CREB3L2: variants seen among roughly 807,000 people sequenced by gnomAD.
CREB3L2 encodes the protein cAMP responsive element binding protein 3 like 2, also known as cyclic AMP-responsive element-binding protein 3-like protein 2.
Under a neutral mutation model 57.2 loss-of-function variants are expected in CREB3L2, and 23 were observed. The observed-to-expected ratio is 0.40, with a 90% CI of 0.29 to 0.57. The LOEUF (loss-of-function observed/expected upper bound fraction) is 0.57, where lower values mean the gene tolerates loss of function less well. CREB3L2 is among the 20% of genes least tolerant of loss of function. The pLI, the probability that CREB3L2 is intolerant of heterozygous loss-of-function variation, is 0.42. For synonymous variants in CREB3L2, 268 were observed against 265.1 expected, an observed-to-expected ratio of 1.01 and a Z score of -0.11; for missense variants, 628 against 634.7, an observed-to-expected ratio of 0.99 and a Z score of 0.11.
At chr7:137,891,823 C>T (rs1424065508) in intron 8 of CREB3L2, among the ~76,000 whole-genome samples, 2 of 152,178 alleles carry the variant, frequency 1.3e-5, no homozygotes, top group Non-Finnish European at 2.9e-5. Context: ...AGGTGATCCG[C>T]CCACCTCGGC....
intron 8 of CREB3L2, among the ~76,000 whole-genome samples, chr7:137,894,473 C>T (rs1164760823): frequency 6.6e-6 from 1 of 152,194 alleles, no homozygotes; most frequent in East Asian, 1.9e-4. Context: ...GTTCAAACTC[C>T]ATATGCAGCC....
At chr7:137,929,432 C>T (rs993130364) in intron 1 of CREB3L2, among the ~76,000 whole-genome samples, 1 of 152,072 alleles carries the variant, frequency 6.6e-6, no homozygotes, top group Non-Finnish European at 1.5e-5. Context: ...TCCCGGCCTC[C>T]ACCCACTAGA....
At chr7:137,945,202 T>C in intron 1 of CREB3L2, among the ~76,000 whole-genome samples, 1 of 152,248 alleles carries the variant, frequency 6.6e-6, no homozygotes, top group East Asian at 1.9e-4. Context: ...GCCAAATTTA[T>C]AACTTTTAAT....
At position 137,997,382 on chromosome 7, in the gene CREB3L2, T is replaced by C. The variant is rs138648463; in HGVS notation, c.102+4222A>G. On this transcript the variant is annotated intron_variant, in intron 1 of 11. Transcript: ENST00000330387. ...CATCCTTCCAGATACAGTTTATACA[T>C]ATATAAAATACATTTTAAAATTTAT... Among the ~76,000 whole-genome samples the C allele has an allele frequency of 1.2e-4, 18 of 152,326 alleles. No individual in the cohort carries two copies. In the East Asian group the frequency reaches 3.3e-3, roughly 28 times the overall value.
intron 1 of CREB3L2, among the ~76,000 whole-genome samples, chr7:137,963,491 A>G (rs1399488829): frequency 6.6e-6 from 1 of 152,240 alleles, no homozygotes; most frequent in Non-Finnish European, 1.5e-5. Flanking sequence ...TAAGGTAAAC[A>G]TCAATCTTTC....
chr7:137,928,079 A>G, intron 2 of CREB3L2, 71 bp downstream of exon 2: 2 of 1,165,662 alleles, frequency 1.7e-6, no homozygotes, highest in Non-Finnish European at 2.5e-6. Flanking sequence ...AATATAATAC[A>G]CACTCCACAC....
At chr7:137,961,201 T>G in intron 1 of CREB3L2, among the ~76,000 whole-genome samples, 2 of 110,286 alleles carry the variant, frequency 1.8e-5, no homozygotes, top group Non-Finnish European at 3.6e-5. Context: ...AACTGGGGGG[T>G]GGGGGGTGGG....
At chr7:137,911,799 C>T (rs10279397) in intron 4 of CREB3L2, among the ~76,000 whole-genome samples, 7,793 of 152,222 alleles carry the variant, frequency 0.051, 467 homozygotes, top group African/African-American at 0.15. Flanking sequence ...GATGGCACTA[C>T]TACACTCCAG....
At chr7:137,924,677 C>CT (rs989371045) in intron 2 of CREB3L2, among the ~76,000 whole-genome samples, 7 of 151,034 alleles carry the variant, frequency 4.6e-5, no homozygotes, top group African/African-American at 1.7e-4. Flanking sequence ...TTGTTGTTGC[C>CT]TTTTTTGTAG....
At chr7:137,984,438 G>A (rs1342939017) in intron 1 of CREB3L2, among the ~76,000 whole-genome samples, 2 of 152,226 alleles carry the variant, frequency 1.3e-5, no homozygotes, top group African/African-American at 2.4e-5. Context: ...TGAGGCTGAT[G>A]TTACGCTGGA....
intron 1 of CREB3L2, among the ~76,000 whole-genome samples, chr7:137,963,742 G>T (rs1432092269): frequency 6.6e-6 from 1 of 152,168 alleles, no homozygotes; most frequent in Non-Finnish European, 1.5e-5. Context: ...AATTGCCGAA[G>T]CAGGGATAAT....
At chr7:137,959,259 G>A (rs1415747680) in intron 1 of CREB3L2, among the ~76,000 whole-genome samples, 1 of 152,174 alleles carries the variant, frequency 6.6e-6, no homozygotes, top group African/African-American at 2.4e-5. Context: ...TTCTGAAACT[G>A]GGCCCCAAGA....
chr7:137,953,783 A>T (rs1801153029), intron 1 of CREB3L2, among the ~76,000 whole-genome samples: 2 of 152,218 alleles, frequency 1.3e-5, no homozygotes, highest in Non-Finnish European at 2.9e-5. Flanking sequence ...ACTAGTTTGT[A>T]AACAGCTGGC....
At chr7:137,974,520 A>G (rs1263977535) in intron 1 of CREB3L2, among the ~76,000 whole-genome samples, 2 of 152,234 alleles carry the variant, frequency 1.3e-5, no homozygotes, top group Non-Finnish European at 2.9e-5. Flanking sequence ...ATGTCAGGGA[A>G]GAAATCTTTG....
intron 1 of CREB3L2, among the ~76,000 whole-genome samples, chr7:137,976,596 T>C (rs1801611231): frequency 6.6e-6 from 1 of 152,196 alleles, no homozygotes. Flanking sequence ...ACCTACCCAT[T>C]GACATATTCA....
At chr7:137,894,333 T>C (rs560408009) in intron 8 of CREB3L2, among the ~76,000 whole-genome samples, 2 of 152,336 alleles carry the variant, frequency 1.3e-5, no homozygotes, top group South Asian at 4.1e-4. Flanking sequence ...TATATGCTGC[T>C]GCTCACTCTG....
chr7:137,915,795 CT>C, intron 3 of CREB3L2, 41 bp downstream of exon 3: 1 of 1,554,734 alleles, frequency 6.4e-7, no homozygotes, highest in Non-Finnish European at 8.8e-7. Context: ...CTATCTGTAT[CT>C]TTTAATCCAA....
At position 137,882,670 on chromosome 7, in the gene CREB3L2, C is replaced by T. The variant is rs766471490; in HGVS notation, c.1271-42G>A. The T allele has an allele frequency of 1.3e-5, 19 of 1,412,478 alleles. No individual in the cohort carries two copies. The Admixed American group carries it at 3.1e-4, about 23-fold the overall frequency. The allele number at this position is 1,412,478 out of a possible 1,614,324, so 87.5% of individuals were successfully genotyped here. A position where few individuals can be genotyped will look rare whatever the true frequency, so the allele number is the denominator to read the frequency against. Reference sequence around the variant, plus strand: ...ATAATAAGGTGTTAGCAAAAGACCACAGGGGTCCAACACATTCCCTCACTC... The same window carrying T: ...ATAATAAGGTGTTAGCAAAAGACCATAGGGGTCCAACACATTCCCTCACTC... On this transcript the variant is annotated intron_variant, in intron 10 of 11. Transcript: ENST00000330387.
At chr7:137,972,762 G>T (rs1478591861) in intron 1 of CREB3L2, among the ~76,000 whole-genome samples, 6,286 of 79,758 alleles carry the variant, frequency 0.079, 463 homozygotes, top group Middle Eastern at 0.12. Context: ...GAGAGAGAGA[G>T]AGAGAGAGAA....
Sources: gnomAD v4.1 joint callset for allele counts (sites outside exome capture counted in the v4.1 genomes callset) on GRCh38, gnomAD v4.1.1 for gene constraint, MANE v1.5 for transcripts, NCBI Gene and HGNC (gene_info 2026-07-23, HGNC 2026-07-21) for gene names.